BRAP: variants seen among roughly 807,000 people sequenced by gnomAD.
The protein encoded by BRAP is BRCA1-associated protein.
A neutral mutation model predicts 73.4 loss-of-function variants in BRAP; 42 were observed. That is an observed-to-expected ratio of 0.57 (90% CI 0.45 to 0.74). The LOEUF is 0.74. Ranked by LOEUF, BRAP falls within the 30% of genes least tolerant of loss-of-function variation. The probability of loss-of-function intolerance (pLI) is 0.00; values close to 1 mark genes in which losing one functional copy is unlikely to be tolerated. For synonymous variants in BRAP, 255 were observed against 267.4 expected (o/e 0.95, Z 0.45); for missense variants, 593 against 751.4 (o/e 0.79, Z 2.46).
Position 111,672,684 on chromosome 12 carries a change from C to A in BRAP, c.724G>T (p.Ala242Ser). 6.2e-7 allele frequency: 1 copy of A among 1,613,846 alleles called. No individual in the cohort carries two copies. Among genetic ancestry groups the A allele is most frequent in the Non-Finnish European group, 8.5e-7 (1 of 1,179,884 alleles). The part of the protein sequence containing the change: ...DVCQLVYVER[A>S]EVLKSEDGAS... Reference sequence around the variant, plus strand: ...ACATCTTCAGATTTGAGCACTTCAGCTCTTTCCACATACACTAGCTGGCAA... The same window carrying A: ...ACATCTTCAGATTTGAGCACTTCAGATCTTTCCACATACACTAGCTGGCAA... Residue 242 changes from alanine to serine, a missense_variant, in exon 5 of 12, where the codon GCT becomes TCT. Ala to Ser is a moderately conservative substitution (Grantham distance 99). Around this residue, in one of 4 missense-constraint regions of BRAP, gnomAD observed 304 missense variants for 337.7 expected, o/e 0.90. Transcript: ENST00000419234.
chr12:111,658,230 C>A (rs770701000), intron 9 of BRAP, among the ~76,000 whole-genome samples: 65 of 150,916 alleles, frequency 4.3e-4, no homozygotes, highest in Admixed American at 1.4e-3. Flanking sequence ...CTGCACCCAG[C>A]TGACATTTAG....
chr12:111,651,548 A>G (rs562480864), intron 10 of BRAP, among the ~76,000 whole-genome samples: 3 of 151,966 alleles, frequency 2.0e-5, no homozygotes, highest in African/African-American at 2.4e-5. Context: ...AAAAAAATAC[A>G]ATACAATACA....
intron 4 of BRAP, among the ~76,000 whole-genome samples, chr12:111,678,945 C>T (rs1232904686): frequency 6.7e-6 from 1 of 149,910 alleles, no homozygotes; most frequent in Non-Finnish European, 1.5e-5. Flanking sequence ...AAGATCTCAT[C>T]TCTACCGAAA....
rs757974635 is a variant in BRAP, at chr12:111,644,378, G to A, written c.1600C>T (p.Arg534Cys). ...GTCTCCAGGTAGAACATGACGTCAC[G>A]CAGCTGCTCCTGGATCTCGGTGATC... The part of the protein sequence containing the change: ...LQITEIQEQL[R>C]DVMFYLETQQ... The change falls in exon 12 of 12, where the codon CGT becomes TGT. Residue 534 changes from arginine to cysteine, a missense_variant. Coordinates refer to ENST00000419234, the MANE Select transcript of BRAP (RefSeq NM_006768.5). 1.5e-5 allele frequency: 24 copies of A among 1,613,806 alleles called. No individual in the cohort carries two copies. Among genetic ancestry groups the A allele is most frequent in the East Asian group, 2.2e-5 (1 of 44,880 alleles).
intron 5 of BRAP, chr12:111,670,502 T>A (rs1887126404): frequency 4.5e-6 from 1 of 222,900 alleles, no homozygotes; most frequent in Admixed American, 5.4e-5. Context: ...ATTTTTTAAT[T>A]TTGTTTTTTA....
At chr12:111,674,458 G>A (rs757038104) in intron 4 of BRAP, among the ~76,000 whole-genome samples, 7 of 152,240 alleles carry the variant, frequency 4.6e-5, no homozygotes, top group Admixed American at 1.3e-4. Flanking sequence ...ACCCAGGCTC[G>A]TCTCGAACTC....
chr12:111,669,474 C>T (rs916808682), intron 5 of BRAP, among the ~76,000 whole-genome samples: 1 of 152,084 alleles, frequency 6.6e-6, no homozygotes, highest in Non-Finnish European at 1.5e-5. Context: ...GATCCGCCTG[C>T]CTTCGCCTCC....
chr12:111,681,118 C>G (rs1006939898), intron 3 of BRAP, among the ~76,000 whole-genome samples: 1 of 152,086 alleles, frequency 6.6e-6, no homozygotes, highest in Non-Finnish European at 1.5e-5. Context: ...GCCTGTAATC[C>G]CAGCACTTTG....
chr12:111,679,101 A>C, intron 4 of BRAP, 50 bp downstream of exon 4: 1 of 1,308,320 alleles, frequency 7.6e-7, no homozygotes, highest in Non-Finnish European at 1.0e-6. Context: ...CAGTTTGAAT[A>C]CCACAGTTTC....
rs1885979941 is a variant in BRAP, at chr12:111,643,571, T to C, written c.*628A>G. ...ACCCAATGTGCCCCGGGTTGTTTGT[T>C]TTTCCTGGCTGGCCCCAGAGCAAGA... On this transcript the variant is annotated 3_prime_UTR_variant, in exon 12 of 12. Coordinates refer to ENST00000419234, the MANE Select transcript of BRAP (RefSeq NM_006768.5). 6.6e-6 allele frequency: 1 copy of C among 152,154 alleles called. No individual in the cohort carries two copies. The allele number at this position is 152,154 out of a possible 1,614,324, so 9.4% of individuals were successfully genotyped here. A position where few individuals can be genotyped will look rare whatever the true frequency, so the allele number is the denominator to read the frequency against.
intron 4 of BRAP, among the ~76,000 whole-genome samples, chr12:111,678,705 T>TCAAGAG: frequency 6.7e-6 from 1 of 150,326 alleles, no homozygotes; most frequent in Non-Finnish European, 1.5e-5. Context: ...TTTTTTTTTT[T>TCAAGAG]TGAGACGGAG....
chr12:111,685,921 A>C lies in BRAP; in HGVS notation c.-129T>G, dbSNP rs1369163749. 4.0e-6 allele frequency: 2 copies of C among 502,034 alleles called. No homozygotes were observed. 31.1% of individuals were successfully genotyped at this position (502,034 alleles called of 1,614,324 possible). A position where few individuals can be genotyped will look rare whatever the true frequency, so the allele number is the denominator to read the frequency against. On this transcript the variant is annotated 5_prime_UTR_variant, in exon 1 of 12. Coordinates refer to ENST00000419234, the MANE Select transcript of BRAP (RefSeq NM_006768.5). ...ATGCAGTTGCCGCCGCCTCAGCAGC[A>C]GCAGCTCCTCGAACAGCCCTCGGAG... is the stretch of plus-strand genomic sequence containing the variant.
chr12:111,650,593 C>T (rs1327875525), intron 10 of BRAP, among the ~76,000 whole-genome samples: 1 of 151,752 alleles, frequency 6.6e-6, no homozygotes, highest in Non-Finnish European at 1.5e-5. Flanking sequence ...AGTAGAGATG[C>T]CACGTTGGCC....
intron 10 of BRAP, among the ~76,000 whole-genome samples, chr12:111,654,444 TAG>T (rs998088930): frequency 4.6e-5 from 7 of 151,890 alleles, no homozygotes; most frequent in Admixed American, 3.3e-4. Flanking sequence ...GCCTCCTGAG[TAG>T]CTGGGATTAC....
Position 111,654,136 on chromosome 12 carries a change from C to T in BRAP, c.1311+1430G>A, listed in dbSNP as rs574113331. Among the ~76,000 whole-genome samples, 25 of 152,298 alleles carry T rather than the reference C, an allele frequency of 1.6e-4. No individual in the cohort carries two copies. In the South Asian group the frequency reaches 4.1e-3, roughly 25 times the overall value. On this transcript the variant is annotated intron_variant, in intron 10 of 11. Coordinates refer to ENST00000419234, the MANE Select transcript of BRAP (RefSeq NM_006768.5). ...CTTCACAGTACGCGGCAGCGACCTG[C>T]GCTCTGCTCCAACGAGAGCATTGGG...
chr12:111,670,091 A>T (rs1406804051), intron 5 of BRAP: 1 of 625,604 alleles, frequency 1.6e-6, no homozygotes, highest in African/African-American at 1.8e-5. Flanking sequence ...GAGTTGGAAC[A>T]GTTTCTTTTG....
At chr12:111,680,325 TAG>T (rs1486730823) in intron 3 of BRAP, among the ~76,000 whole-genome samples, 1 of 152,106 alleles carries the variant, frequency 6.6e-6, no homozygotes, top group African/African-American at 2.4e-5. Flanking sequence ...ATGGCTGGAA[TAG>T]AGAGGAAAGA....
intron 3 of BRAP, among the ~76,000 whole-genome samples, chr12:111,680,451 CTT>C (rs1170710559): frequency 1.3e-5 from 2 of 151,610 alleles, no homozygotes; most frequent in Admixed American, 1.3e-4. Flanking sequence ...AATCCCAACA[CTT>C]TGGGAGGCTG....
intron 1 of BRAP, 133 bp from the exon 2 acceptor site, chr12:111,683,440 A>G: frequency 9.8e-7 from 1 of 1,015,852 alleles, no homozygotes; most frequent in Non-Finnish European, 1.4e-6. Flanking sequence ...TGTAGTATCC[A>G]TCTCACTCAA....
Sources: allele counts gnomAD v4.1 joint callset (sites outside exome capture counted in the v4.1 genomes callset), GRCh38; gene constraint gnomAD v4.1.1; regional missense constraint gnomAD v4.1.1; transcripts MANE v1.5; gene names NCBI Gene and HGNC (gene_info 2026-07-23, HGNC 2026-07-21).